Variants in KIAA2012 observed in about 807,000 individuals in gnomAD.
KIAA2012 encodes the protein KIAA2012.
A neutral mutation model predicts 150.6 loss-of-function variants in KIAA2012; 125 were observed. That is an observed-to-expected ratio of 0.83 (90% confidence interval 0.72 to 0.96). The LOEUF (loss-of-function observed/expected upper bound fraction) is 0.96, where lower values mean the gene tolerates loss of function less well. Ranked by LOEUF, KIAA2012 falls within the 40% of genes least tolerant of loss-of-function variation. The pLI, the probability that KIAA2012 is intolerant of heterozygous loss-of-function variation, is 0.00. For synonymous variants in KIAA2012, 462 were observed against 504.7 expected (o/e 0.92, Z 1.13); for missense variants, 1,219 against 1,354.9 (o/e 0.90, Z 1.57).
chr2:202,176,240 C>G (rs1691986916), intron 15 of KIAA2012, among the ~76,000 whole-genome samples: 1 of 150,812 alleles, frequency 6.6e-6, no homozygotes, highest in Non-Finnish European at 1.5e-5. Flanking sequence ...CGCTCTATTG[C>G]CCAGAAAGTG....
chr2:202,107,941 G>A (rs530271367), intron 9 of KIAA2012, among the ~76,000 whole-genome samples: 3 of 152,198 alleles, frequency 2.0e-5, no homozygotes, highest in South Asian at 2.1e-4. Flanking sequence ...TCCAGGAGAC[G>A]GAGGTTGCAG....
intron 1 of KIAA2012, among the ~76,000 whole-genome samples, chr2:202,074,366 C>G (rs1457969697): frequency 7.9e-5 from 12 of 152,132 alleles, no homozygotes; most frequent in Admixed American, 7.9e-4. Context: ...TTCAAAGGAC[C>G]TGTATGGCCA....
chr2:202,163,041 G>A (rs1002449946), intron 14 of KIAA2012, among the ~76,000 whole-genome samples: 3 of 151,396 alleles, frequency 2.0e-5, no homozygotes, highest in Admixed American at 6.6e-5. Context: ...GGACATTTAG[G>A]CTGTTTCCAA....
intron 15 of KIAA2012, 129 bp downstream of exon 15, chr2:202,165,485 G>C: frequency 1.2e-6 from 1 of 836,228 alleles, no homozygotes. Flanking sequence ...ACTTTGTGAG[G>C]CCAAGGCGGG....
chr2:202,161,134 C>G (rs1193037872), intron 14 of KIAA2012, among the ~76,000 whole-genome samples: 3 of 152,196 alleles, frequency 2.0e-5, no homozygotes, highest in Non-Finnish European at 1.5e-5. Flanking sequence ...GGTTAAGTAA[C>G]TCCTATGGTC....
At chr2:202,111,352 A>AG (rs1284607207) in intron 10 of KIAA2012, among the ~76,000 whole-genome samples, 2 of 150,484 alleles carry the variant, frequency 1.3e-5, no homozygotes, top group Non-Finnish European at 3.0e-5. Flanking sequence ...AAAAAAAAAA[A>AG]AAAAAAAATT....
chr2:202,187,002 G>C lies in KIAA2012; in HGVS notation c.2280G>C (p.Arg760Ser), dbSNP rs549184750. 7.4e-5 allele frequency: 114 copies of C among 1,550,612 alleles called. No individual in the cohort carries two copies. The African/African-American group carries it at 1.3e-3, about 18-fold the overall frequency. ...GATACGGGCCTGAGTCACCCGAGAG[G>C]TTGAGTGCTGTGTATACATCTCTTC... ...LLGYGPESPE[R>S]LSAVYTSLLP... Residue 760 changes from arginine to serine, a missense_variant, in exon 17 of 24, where the codon AGG (arginine) becomes AGC (serine). Physicochemically the swap from Arg to Ser is moderately radical, Grantham distance 110 (BLOSUM62 -1). Coordinates refer to ENST00000498697, the MANE Select transcript of KIAA2012 (RefSeq NM_001277372.4).
intron 12 of KIAA2012, among the ~76,000 whole-genome samples, chr2:202,134,907 A>G (rs948601107): frequency 3.9e-5 from 6 of 152,276 alleles, no homozygotes; most frequent in African/African-American, 1.2e-4. Flanking sequence ...GGAATTAAAC[A>G]TAGCCAATGC....
Position 202,104,093 on chromosome 2 carries a change from A to G in KIAA2012, c.1324+979A>G, listed in dbSNP as rs1355338370. ...GACTTCTTACTGGAAAGAATGCCTAACGGTGGAGCTTAAAAGACCAATGGA... is the reference window on the plus strand; with the variant it reads ...GACTTCTTACTGGAAAGAATGCCTAGCGGTGGAGCTTAAAAGACCAATGGA... On this transcript the variant is annotated intron_variant, in intron 8 of 23. Coordinates refer to ENST00000498697, the MANE Select transcript of KIAA2012 (RefSeq NM_001277372.4). This position sits in a 1 kb window ranked among gnomAD's most constrained non-coding sequence, Gnocchi z 4.3. 6.6e-6 allele frequency among the ~76,000 whole-genome samples: 1 copy of G among 152,190 alleles called. No individual in the cohort carries two copies. Among genetic ancestry groups the G allele is most frequent in the Non-Finnish European group, 1.5e-5 (1 of 68,034 alleles).
At chr2:202,107,127 C>T (rs1268126713) in intron 9 of KIAA2012, among the ~76,000 whole-genome samples, 1 of 152,104 alleles carries the variant, frequency 6.6e-6, no homozygotes, top group East Asian at 1.9e-4. Flanking sequence ...AGTGGCCTCA[C>T]TAGGATTGGA....
intron 11 of KIAA2012, among the ~76,000 whole-genome samples, chr2:202,122,881 G>A (rs947014916): frequency 7.2e-5 from 11 of 152,154 alleles, no homozygotes; most frequent in African/African-American, 2.7e-4. Context: ...CTCCTGTATT[G>A]TAATTAAGCG....
chr2:202,101,438 C>G (rs1461212049), intron 7 of KIAA2012, among the ~76,000 whole-genome samples: 1 of 152,370 alleles, frequency 6.6e-6, no homozygotes, highest in African/African-American at 2.4e-5. Flanking sequence ...AAGCTCACCA[C>G]AGGCCCAAGG....
intron 14 of KIAA2012, among the ~76,000 whole-genome samples, chr2:202,157,402 C>T (rs148965086): frequency 1.8e-4 from 28 of 152,206 alleles, no homozygotes; most frequent in Non-Finnish European, 3.1e-4. Context: ...CCTGCCTGTC[C>T]GCAGGGCATG....
rs760634178 is a variant in KIAA2012 at position 202,097,603 on chromosome 2, T to A, written c.828+26T>A. ...GTACCATTTCTTTTTTTTTTTTTTT[T>A]CCCCGAGACGGAGTCTCACTCTGTC... On this transcript the variant is annotated intron_variant, in intron 5 of 23. Coordinates refer to ENST00000498697, the MANE Select transcript of KIAA2012 (RefSeq NM_001277372.4). The A allele has an allele frequency of 3.2e-5, 47 of 1,473,780 alleles. 1 individual carries two copies. The highest frequency in any genetic ancestry group is 4.8e-5 in the Admixed American group (2 of 41,616). 91.3% of individuals were successfully genotyped at this position (1,473,780 alleles called of 1,614,324 possible). A position where few individuals can be genotyped will look rare whatever the true frequency, so the allele number is the denominator to read the frequency against.
rs1692431150 is a variant in KIAA2012 at position 202,197,127 on chromosome 2, C to T, written c.3407+108C>T. The stretch of plus-strand genomic sequence containing the variant: ...CCTTTAGACAAGAAAAGTCCCCCCA[C>T]CCCCAGCATGGCTTGGAAGACTGAA... On this transcript the variant is annotated intron_variant, in intron 22 of 23. Transcript: ENST00000498697. 5 of 1,490,836 alleles carry T rather than the reference C, an allele frequency of 3.4e-6. No homozygotes were observed. In the Admixed American group the frequency reaches 1.1e-4, roughly 33 times the overall value. The allele number at this position is 1,490,836 out of a possible 1,614,324, so 92.4% of individuals were successfully genotyped here. A position where few individuals can be genotyped will look rare whatever the true frequency, so the allele number is the denominator to read the frequency against.
chr2:202,090,337 A>G (rs1239057236), intron 2 of KIAA2012, among the ~76,000 whole-genome samples: 2 of 152,258 alleles, frequency 1.3e-5, no homozygotes, highest in Admixed American at 1.3e-4. Context: ...CAGGCTCCCC[A>G]TGAACATGGA....
intron 7 of KIAA2012, among the ~76,000 whole-genome samples, chr2:202,102,216 A>C (rs1459716670): frequency 1.3e-5 from 2 of 152,010 alleles, no homozygotes; most frequent in Admixed American, 1.3e-4. Context: ...TTTTTGGGGG[A>C]CAGAAAAAAA....
chr2:202,139,755 C>T (rs1691161070), intron 13 of KIAA2012, among the ~76,000 whole-genome samples: 1 of 152,180 alleles, frequency 6.6e-6, no homozygotes. Flanking sequence ...GCAGACATCC[C>T]ATTTACGGGA....
chr2:202,154,790 G>A lies in KIAA2012; in HGVS notation c.2026G>A (p.Asp676Asn), dbSNP rs550754381. 9.0e-6 allele frequency: 14 copies of A among 1,547,750 alleles called. No homozygotes were observed. Among genetic ancestry groups the A allele is most frequent in the Middle Eastern group, 1.7e-4 (1 of 6,000 alleles). ...KEFYTRKLHI[D>N]MTPFLKESGN... ...ATTTTACACGCGCAAGCTGCACATC[G>A]ACATGACGCCGTTCCTGAAGGTGAT... Residue 676 changes from aspartate to asparagine, a missense_variant, in exon 14 of 24, where the codon GAC becomes AAC. By Grantham distance (23) the Asp-to-Asn change is conservative (BLOSUM62 1). Transcript: ENST00000498697.
Sources: allele counts gnomAD v4.1 joint callset (sites outside exome capture counted in the v4.1 genomes callset), GRCh38; gene constraint gnomAD v4.1.1; non-coding constraint Gnocchi (gnomAD v3.1); transcripts MANE v1.5; gene names NCBI Gene and HGNC (gene_info 2026-07-23, HGNC 2026-07-21).